The following GLDC variants were observed in gnomAD, a reference collection of about 807,000 sequenced individuals.
GLDC encodes the protein glycine decarboxylase.
A neutral mutation model predicts 121.3 loss-of-function variants in GLDC; 104 were observed. The observed-to-expected ratio is 0.86, with a 90% CI of 0.73 to 1.01. The LOEUF (loss-of-function observed/expected upper bound fraction) is 1.01. Ranked by LOEUF, GLDC falls within the 50% of genes least tolerant of loss-of-function variation. The pLI, the probability that GLDC is intolerant of heterozygous loss-of-function variation, is 0.00. For synonymous variants in GLDC, 546 were observed against 480.6 expected, an observed-to-expected ratio of 1.14 and a Z score of -1.78; for missense variants, 1,429 against 1,306.6, an observed-to-expected ratio of 1.09 and a Z score of -1.44.
At chr9:6,612,193 T>G (rs1260608629) in intron 3 of GLDC, among the ~76,000 whole-genome samples, 1 of 139,468 alleles carries the variant, frequency 7.2e-6, no homozygotes, top group African/African-American at 2.9e-5. Flanking sequence ...ACACTCACTC[T>G]CTCACACACA....
intron 10 of GLDC, 107 bp from the exon 11 acceptor site, chr9:6,592,330 T>A: frequency 1.3e-6 from 1 of 756,974 alleles, no homozygotes; most frequent in Non-Finnish European, 2.4e-6. Flanking sequence ...AATCCCATCA[T>A]TCCAAAATAT....
At chr9:6,618,679 A>G (rs1041228831) in intron 3 of GLDC, among the ~76,000 whole-genome samples, 2 of 152,160 alleles carry the variant, frequency 1.3e-5, no homozygotes, top group Admixed American at 1.3e-4. Context: ...GACTAGAAGT[A>G]TTTTCTCAAA....
chr9:6,598,138 A>G (rs1818527818), intron 8 of GLDC, among the ~76,000 whole-genome samples: 1 of 152,114 alleles, frequency 6.6e-6, no homozygotes, highest in Non-Finnish European at 1.5e-5. Flanking sequence ...AAGCACTCCT[A>G]CCACCTCAGT....
Position 6,587,206 on chromosome 9 carries a change from G to C in GLDC, c.1785C>G (p.Phe595Leu), listed in dbSNP as rs201997592. 2.0e-5 allele frequency: 32 copies of C among 1,613,890 alleles called. No homozygotes were observed. Among genetic ancestry groups the C allele is most frequent in the Non-Finnish European group, 2.6e-5 (31 of 1,179,906 alleles). ...LDQAQGYQQL[F>L]RELEKDLCEL... The stretch of plus-strand genomic sequence containing the variant: ...CACACAAATCCTTCTCAAGCTCTCG[G>C]AAAAGCTGCTGATATCCTTGAGCTT... The change falls in exon 15 of 25, where the codon TTC becomes TTG. Residue 595 changes from phenylalanine (F) to leucine (L), a missense_variant. Phe to Leu is a conservative substitution (Grantham distance 22, BLOSUM62 0). Coordinates refer to ENST00000321612, the MANE Select transcript of GLDC (RefSeq NM_000170.3).
At position 6,606,309 on chromosome 9, in the gene GLDC, C is replaced by CA. The variant is rs56758871; in HGVS notation, c.713+282dup. 0.043 allele frequency among the ~76,000 whole-genome samples: 3,826 copies of CA among 89,546 alleles called. 140 individuals carry two copies. Among genetic ancestry groups the CA allele is most frequent in the Middle Eastern group, 0.09 (17 of 188 alleles). 58.7% of individuals were successfully genotyped at this position (89,546 alleles called of 152,430 possible). ...TGGACGACAGAGCGAGACTCCGTCT[C>CA]AAAAAAAAAAAAAAAAAAAAGAAGA... On this transcript the variant is annotated intron_variant, in intron 5 of 24. Coordinates refer to ENST00000321612, the MANE Select transcript of GLDC (RefSeq NM_000170.3).
chr9:6,565,463 G>T, intron 15 of GLDC, 34 bp from the exon 16 acceptor site: 2 of 1,521,808 alleles, frequency 1.3e-6, no homozygotes, highest in Non-Finnish European at 1.8e-6. Flanking sequence ...ATCACGGTTA[G>T]GTCTTCTGGC....
intron 22 of GLDC, among the ~76,000 whole-genome samples, chr9:6,539,584 G>A (rs1817211714): frequency 6.6e-6 from 1 of 152,196 alleles, no homozygotes; most frequent in Non-Finnish European, 1.5e-5. Flanking sequence ...CTAATGCACA[G>A]GTAAAGTGTC....
At chr9:6,601,007 T>C (rs1252407118) in intron 8 of GLDC, among the ~76,000 whole-genome samples, 5 of 152,124 alleles carry the variant, frequency 3.3e-5, no homozygotes, top group Admixed American at 2.0e-4. Context: ...ACCCCGTCTC[T>C]ACTAAAAATG....
chr9:6,549,519 C>T (rs1417134744), intron 21 of GLDC, among the ~76,000 whole-genome samples: 1 of 152,118 alleles, frequency 6.6e-6, no homozygotes. Flanking sequence ...AGGCACCCAA[C>T]TTCTCCCTCC....
chr9:6,534,921 G>A, intron 23 of GLDC, 133 bp from the exon 24 acceptor site: 5 of 681,758 alleles, frequency 7.3e-6, no homozygotes, highest in South Asian at 4.6e-5. Flanking sequence ...AATTTAGGGG[G>A]GTACAATGTG....
chr9:6,535,248 A>T (rs925960221), intron 23 of GLDC, among the ~76,000 whole-genome samples: 1 of 152,046 alleles, frequency 6.6e-6, no homozygotes, highest in African/African-American at 2.4e-5. Context: ...ACTCACTATT[A>T]TGCTCTTTGA....
At chr9:6,634,259 G>A (rs536374235) in intron 2 of GLDC, among the ~76,000 whole-genome samples, 34 of 152,074 alleles carry the variant, frequency 2.2e-4, no homozygotes, top group African/African-American at 8.0e-4. Flanking sequence ...CCAAAACCAT[G>A]AGTCTCATGC....
rs73400312 is a variant in GLDC at position 6,592,868 on chromosome 9, G to C, written c.1384C>G (p.Leu462Val). Residue 462 changes from leucine to valine, a missense_variant, in exon 10 of 25, where the codon CTT becomes GTT. By Grantham distance (32) the Leu-to-Val change is conservative. Coordinates refer to ENST00000321612, the MANE Select transcript of GLDC (RefSeq NM_000170.3). ...RAAQRQINFRLFEDGTLGISL... is the reference protein window; with the variant it reads ...RAAQRQINFRVFEDGTLGISL... ...TGACTTACTGTGCCATCCTCAAAAAGCCGAAAATTGATCTGCCGCTGAGCG... is the reference window on the plus strand; with the variant it reads ...TGACTTACTGTGCCATCCTCAAAAACCCGAAAATTGATCTGCCGCTGAGCG... 20,825 of 1,613,522 alleles carry C rather than the reference G, an allele frequency of 0.013. 900 individuals carry two copies. The African/African-American group carries it at 0.14, about 11-fold the overall frequency.
intron 2 of GLDC, chr9:6,639,723 T>A (rs192769309): frequency 1.5e-3 from 288 of 188,278 alleles, no homozygotes; most frequent in Middle Eastern, 2.4e-3. Context: ...GGACTACATA[T>A]ACAAATAGAC....
chr9:6,533,026 C>T lies in GLDC; in HGVS notation c.3054G>A (p.Ala1018=), dbSNP rs749409925. ...ACTTAGGGACAGAGGACTAAGAAGACGCCCTCTTTTGTTCAGAAAATGGAG... is the reference window on the plus strand; with the variant it reads ...ACTTAGGGACAGAGGACTAAGAAGATGCCCTCTTTTGTTCAGAAAATGGAG... ...YESPFSEQKR[A]SS The change falls in exon 25 of 25, where the codon GCG becomes GCA. Residue 1018 remains alanine, a synonymous_variant. Transcript: ENST00000321612. The T allele has an allele frequency of 1.1e-5, 17 of 1,608,342 alleles. No individual in the cohort carries two copies. Among genetic ancestry groups the T allele is most frequent in the South Asian group, 7.7e-5 (7 of 90,932 alleles).
At chr9:6,553,598 T>C (rs1018165246) in intron 19 of GLDC, 89 bp from the exon 20 acceptor site, 6 of 1,312,642 alleles carry the variant, frequency 4.6e-6, no homozygotes, top group Non-Finnish European at 6.6e-6. Context: ...GAAAGCCTTG[T>C]TCTTAGCAGA....
chr9:6,598,229 C>G (rs944959598), intron 8 of GLDC, among the ~76,000 whole-genome samples: 3 of 152,070 alleles, frequency 2.0e-5, no homozygotes, highest in African/African-American at 7.2e-5. Flanking sequence ...AGGAGTCTCA[C>G]TATGTTGCCT....
At position 6,587,132 on chromosome 9, in the gene GLDC, T is replaced by C. The variant is rs2129831335; in HGVS notation, c.1850+9A>G. 2 of 1,609,446 alleles carry C rather than the reference T, an allele frequency of 1.2e-6. No individual in the cohort carries two copies. Among genetic ancestry groups the C allele is most frequent in the Non-Finnish European group, 1.7e-6 (2 of 1,176,654 alleles). ...ATTGCTGAAACAATAAGAAAAGAAATGCCCTTACCTGTTTGGCTGGAAACA... is the reference window on the plus strand; with the variant it reads ...ATTGCTGAAACAATAAGAAAAGAAACGCCCTTACCTGTTTGGCTGGAAACA... On this transcript the variant is annotated intron_variant, in intron 15 of 24. Transcript: ENST00000321612.
chr9:6,639,076 G>T, intron 2 of GLDC: 1 of 671,046 alleles, frequency 1.5e-6, no homozygotes, highest in Non-Finnish European at 2.7e-6. Flanking sequence ...TAACAATTAG[G>T]CAACAAGGTG....
Sources: gnomAD v4.1 joint callset for allele counts (sites outside exome capture counted in the v4.1 genomes callset) on GRCh38, gnomAD v4.1.1 for gene constraint, MANE v1.5 for transcripts, NCBI Gene and HGNC (gene_info 2026-07-23, HGNC 2026-07-21) for gene names.